The following SANBR variants were observed in gnomAD, a reference collection of about 807,000 sequenced individuals.
SANBR encodes SANT and BTB domain regulator of CSR.
In SANBR, 77 loss-of-function variants were observed where a neutral mutation model predicts 101.8. That is an observed-to-expected ratio of 0.76 (90% CI 0.63 to 0.91). The LOEUF is 0.91. Among genes scored for constraint, SANBR ranks in the 40% least tolerant of loss-of-function variants. The pLI, the probability that SANBR is intolerant of heterozygous loss-of-function variation, is 0.00. For missense variants in SANBR, 875 were observed against 853.0 expected (o/e 1.03, Z -0.32); for synonymous variants, 279 against 274.7 (o/e 1.02, Z -0.15).
chr2:61,098,183 A>G (rs998793605), intron 12 of SANBR, among the ~76,000 whole-genome samples: 8 of 149,424 alleles, frequency 5.4e-5, no homozygotes, highest in African/African-American at 2.0e-4. Context: ...GGCTCACTCC[A>G]GCCTCTGCCT....
chr2:61,083,027 G>A, intron 7 of SANBR, 127 bp from the exon 8 acceptor site: 1 of 724,956 alleles, frequency 1.4e-6, no homozygotes, highest in South Asian at 2.1e-5. Context: ...AAACTGGGTG[G>A]CAAAACCCAG....
At position 61,121,285 on chromosome 2, in the gene SANBR, G is replaced by A. The variant is rs118059531; in HGVS notation, c.2120+9G>A. ...TCAGAGAAAAACACAAGGTAAATCA[G>A]CATAAACTAAACCAGAGTGTCAGTG... On this transcript the variant is annotated intron_variant, in intron 21 of 21. Coordinates refer to ENST00000402291, the MANE Select transcript of SANBR (RefSeq NM_001129993.3). 2,994 of 1,545,674 alleles carry A rather than the reference G, an allele frequency of 1.9e-3. 7 individuals are homozygous for A. The highest frequency in any genetic ancestry group is 9.6e-3 in the East Asian group (392 of 40,892).
rs754675424 is a variant in SANBR, at chr2:61,118,012, G to GT, written c.1940-9dup. 5.0e-6 allele frequency: 8 copies of GT among 1,597,510 alleles called. No individual in the cohort carries two copies. The highest frequency in any genetic ancestry group is 4.5e-5 in the South Asian group (4 of 89,516). On this transcript the variant is annotated splice_polypyrimidine_tract_variant and intron_variant, in intron 19 of 21. Transcript: ENST00000402291. Reference sequence around the variant, plus strand: ...ATCCTTATGAAAAGTAAAGTTTACTGTTTTTTTCCCTTCAGATCAACGGCG... The same window carrying GT: ...ATCCTTATGAAAAGTAAAGTTTACTGTTTTTTTTCCCTTCAGATCAACGGCG...
In SANBR at chr2:61,135,213, C is replaced by G. The variant is rs115398749; in HGVS notation, c.*44+937C>G. Among the ~76,000 whole-genome samples, 1,339 of 151,828 alleles carry G rather than the reference C, an allele frequency of 8.8e-3. 19 individuals are homozygous for G. Among genetic ancestry groups the G allele is most frequent in the African/African-American group, 0.03 (1,247 of 41,346 alleles). ...ACTTTTATGTGTCTAATATATTTGCCCAAATTTAAAAAAATTAAGAGAAAG... is the reference window on the plus strand; with the variant it reads ...ACTTTTATGTGTCTAATATATTTGCGCAAATTTAAAAAAATTAAGAGAAAG... On this transcript the variant is annotated intron_variant, in intron 21 of 21. Coordinates refer to the SANBR transcript ENST00000295031.
chr2:61,104,554 G>A (rs13424730), intron 13 of SANBR, among the ~76,000 whole-genome samples: 3,034 of 152,076 alleles, frequency 0.02, 111 homozygotes, highest in African/African-American at 0.069. Context: ...TGGTGGTGAT[G>A]AATGAGGGTT....
chr2:61,115,401 C>T (rs1684029500), intron 16 of SANBR, among the ~76,000 whole-genome samples: 1 of 150,952 alleles, frequency 6.6e-6, no homozygotes, highest in Non-Finnish European at 1.5e-5. Context: ...GGCACAATCT[C>T]GGCTCACTGC....
At position 61,077,056 on chromosome 2, in the gene SANBR, G is replaced by C. The variant is rs1432318156; in HGVS notation, c.568G>C (p.Val190Leu). Reference protein sequence around the residue: ...LSMDAQRWEEVDISVHCDVHI... With the variant: ...LSMDAQRWEELDISVHCDVHI... Reference sequence around the variant, plus strand: ...TATGGATGCCCAGCGCTGGGAAGAGGTGGACATTTCAGTTCATTGCGACGT... The same window carrying C: ...TATGGATGCCCAGCGCTGGGAAGAGCTGGACATTTCAGTTCATTGCGACGT... Residue 190 changes from valine to leucine, a missense_variant, in exon 6 of 22, where the codon GTG becomes CTG. Physicochemically the swap from Val to Leu is conservative, Grantham distance 32. Coordinates refer to ENST00000402291, the MANE Select transcript of SANBR (RefSeq NM_001129993.3). 1.2e-6 allele frequency: 2 copies of C among 1,613,882 alleles called. No individual in the cohort carries two copies. Among genetic ancestry groups the C allele is most frequent in the East Asian group, 2.2e-5 (1 of 44,896 alleles).
chr2:61,081,572 A>G (rs1682129448), intron 7 of SANBR, 62 bp downstream of exon 7: 8 of 1,430,116 alleles, frequency 5.6e-6, no homozygotes, highest in Non-Finnish European at 7.5e-6. Context: ...TTTTCCTTCA[A>G]GTATCTAGAA....
At chr2:61,094,698 C>T (rs565850715) in intron 11 of SANBR, among the ~76,000 whole-genome samples, 8 of 130,988 alleles carry the variant, frequency 6.1e-5, no homozygotes, top group South Asian at 4.6e-4. Flanking sequence ...ACCTGGAGTG[C>T]GCTGGCGCCA....
chr2:61,125,548 G>A (rs1684489891), downstream of SANBR, among the ~76,000 whole-genome samples: 1 of 152,192 alleles, frequency 6.6e-6, no homozygotes, highest in African/African-American at 2.4e-5. Context: ...TGTTTTCAAA[G>A]AGGCTTCAAC....
intron 12 of SANBR, among the ~76,000 whole-genome samples, chr2:61,098,973 G>A (rs2104919340): frequency 6.6e-6 from 1 of 152,334 alleles, no homozygotes; most frequent in Admixed American, 6.5e-5. Context: ...AGATGTCAAG[G>A]AAATCCTCAA....
intron 20 of SANBR, among the ~76,000 whole-genome samples, chr2:61,120,484 A>C (rs541969044): frequency 6.6e-6 from 1 of 152,356 alleles, no homozygotes; most frequent in Admixed American, 6.5e-5. Context: ...TGGGCAACAC[A>C]GAGCGATACT....
chr2:61,087,463 G>A (rs751957564), intron 8 of SANBR, among the ~76,000 whole-genome samples: 5 of 151,846 alleles, frequency 3.3e-5, no homozygotes, highest in Admixed American at 6.6e-5. Flanking sequence ...GGAGGCTGAT[G>A]TGGGAGATCA....
chr2:61,132,901 A>G (rs1684729469), intron 20 of SANBR, among the ~76,000 whole-genome samples: 1 of 152,238 alleles, frequency 6.6e-6, no homozygotes, highest in Non-Finnish European at 1.5e-5. Context: ...GCATGACTCT[A>G]TTTATATAAA....
Position 61,078,384 on chromosome 2 carries a change from A to G in SANBR, c.670+1226A>G, listed in dbSNP as rs201557309. Among the ~76,000 whole-genome samples the G allele has an allele frequency of 7.2e-5, 11 of 152,292 alleles. No individual in the cohort carries two copies. In the East Asian group the frequency reaches 2.1e-3, roughly 29 times the overall value. ...CCAGTTGTCTTCTGTTAAGTCAGAC[A>G]TTGAAGAGATTTGCAAAAAATATCA... On this transcript the variant is annotated intron_variant, in intron 6 of 21. Transcript: ENST00000402291.
chr2:61,123,344 T>G lies in SANBR; in HGVS notation c.*1182T>G. ...AAAAGAGCAATTTCCATTGAAATAT[T>G]GAAGTGTTACACTCAGTTTACACGT... On this transcript the variant is annotated 3_prime_UTR_variant, in exon 22 of 22. Coordinates refer to ENST00000402291, the MANE Select transcript of SANBR (RefSeq NM_001129993.3). 1 of 976,234 alleles carries G rather than the reference T, an allele frequency of 1.0e-6. No individual in the cohort carries two copies. The highest frequency in any genetic ancestry group is 1.2e-6 in the Non-Finnish European group (1 of 821,484). The allele number at this position is 976,234 out of a possible 1,614,324, so 60.5% of individuals were successfully genotyped here.
intron 5 of SANBR, among the ~76,000 whole-genome samples, chr2:61,074,829 T>TACG (rs1289839869): frequency 6.6e-6 from 1 of 152,254 alleles, no homozygotes; most frequent in Non-Finnish European, 1.5e-5. Context: ...TCTGTTTCGT[T>TACG]AGTTCAATTA....
In SANBR at chr2:61,123,213, C is replaced by T. The variant is rs1684402430; in HGVS notation, c.*1051C>T. ...GTGTTTGTAAATTATATGTAGGTCT[C>T]TGAAAAACTTTAAGATGCACTGTTT... On this transcript the variant is annotated 3_prime_UTR_variant, in exon 22 of 22. Transcript: ENST00000402291. 1 of 974,728 alleles carries T rather than the reference C, an allele frequency of 1.0e-6. No individual in the cohort carries two copies. Among genetic ancestry groups the T allele is most frequent in the Non-Finnish European group, 1.2e-6 (1 of 820,114 alleles). 60.4% of individuals were successfully genotyped at this position (974,728 alleles called of 1,614,324 possible).
downstream of SANBR, among the ~76,000 whole-genome samples, chr2:61,126,886 A>G (rs1308984001): frequency 1.3e-5 from 2 of 151,918 alleles, no homozygotes; most frequent in Admixed American, 1.3e-4. Flanking sequence ...ATAGTAAGTC[A>G]TTCCCACTTT....
Sources: gnomAD v4.1 joint callset for allele counts (sites outside exome capture counted in the v4.1 genomes callset) on GRCh38, gnomAD v4.1.1 for gene constraint, MANE v1.5 for transcripts, NCBI Gene and HGNC (gene_info 2026-07-23, HGNC 2026-07-21) for gene names.